WWOX: variants seen among roughly 807,000 people sequenced by gnomAD.
The protein encoded by WWOX is WW domain containing oxidoreductase.
A neutral mutation model predicts 46.2 loss-of-function variants in WWOX; 69 were observed. That is an observed-to-expected ratio of 1.49 (90% CI 1.23 to 1.82). WWOX has a LOEUF of 1.82. WWOX is among the 40% of genes most tolerant of loss of function. WWOX has a pLI of 0.00. For synonymous variants in WWOX, 359 were observed against 202.6 expected, an observed-to-expected ratio of 1.77 and a Z score of -6.56; for missense variants, 919 against 542.6, an observed-to-expected ratio of 1.69 and a Z score of -6.89.
chr16:78,981,182 T>C (rs2046674214), intron 8 of WWOX, among the ~76,000 whole-genome samples: 1 of 152,154 alleles, frequency 6.6e-6, no homozygotes, highest in African/African-American at 2.4e-5. Context: ...CTGCATGTGG[T>C]CTCCATGATG....
intron 4 of WWOX, among the ~76,000 whole-genome samples, chr16:78,152,700 C>G (rs2034459894): frequency 6.6e-6 from 1 of 152,276 alleles, no homozygotes; most frequent in Non-Finnish European, 1.5e-5. Flanking sequence ...ACTTATTCAC[C>G]CAGCACAGTG....
At chr16:78,713,075 G>A (rs2048477981) in intron 8 of WWOX, among the ~76,000 whole-genome samples, 1 of 151,644 alleles carries the variant, frequency 6.6e-6, no homozygotes, top group African/African-American at 2.4e-5. Context: ...ATCGAGACCA[G>A]CCAGGGTAAC....
intron 8 of WWOX, among the ~76,000 whole-genome samples, chr16:78,799,272 A>G (rs1216528472): frequency 2.0e-5 from 3 of 152,174 alleles, no homozygotes; most frequent in South Asian, 4.2e-4. Context: ...CGGAGAGTTC[A>G]TGGGCAGGGT....
At chr16:79,011,167 A>ACT in intron 8 of WWOX, among the ~76,000 whole-genome samples, 1 of 131,562 alleles carries the variant, frequency 7.6e-6, no homozygotes, top group African/African-American at 2.9e-5. Context: ...ACACACACAC[A>ACT]CACACACTTT....
At chr16:78,531,420 A>G (rs2043617978) in intron 8 of WWOX, among the ~76,000 whole-genome samples, 1 of 152,234 alleles carries the variant, frequency 6.6e-6, no homozygotes, top group African/African-American at 2.4e-5. Flanking sequence ...ACAATTGGAC[A>G]GTAAGGATGT....
At chr16:78,709,823 G>T (rs2048401590) in intron 8 of WWOX, among the ~76,000 whole-genome samples, 1 of 151,756 alleles carries the variant, frequency 6.6e-6, no homozygotes, top group Non-Finnish European at 1.5e-5. Flanking sequence ...CCGTCTTCTG[G>T]GTTCAAGTGA....
intron 4 of WWOX, among the ~76,000 whole-genome samples, chr16:78,116,158 T>C (rs1175593614): frequency 6.6e-6 from 1 of 152,230 alleles, no homozygotes; most frequent in Non-Finnish European, 1.5e-5. Flanking sequence ...ACAATTCAGT[T>C]ATACCCTTTT....
At chr16:78,660,449 C>G (rs897442770) in intron 8 of WWOX, among the ~76,000 whole-genome samples, 2 of 152,068 alleles carry the variant, frequency 1.3e-5, no homozygotes, top group Admixed American at 1.3e-4. Context: ...TTTTCAGTTG[C>G]CAGTGGGAGA....
intron 8 of WWOX, among the ~76,000 whole-genome samples, chr16:78,969,522 C>T (rs1176661676): frequency 6.6e-6 from 1 of 152,158 alleles, no homozygotes; most frequent in African/African-American, 2.4e-5. Flanking sequence ...CCAACCGCCT[C>T]AGCCTCCCAA....
chr16:78,106,411 G>GT (rs998219778), intron 1 of WWOX, among the ~76,000 whole-genome samples: 13,221 of 121,484 alleles, frequency 0.11, 1,182 homozygotes, highest in Non-Finnish European at 0.14. Context: ...AGTCAGAACG[G>GT]TTTTTTTTTG....
chr16:78,653,930 C>T (rs757794798), intron 8 of WWOX, among the ~76,000 whole-genome samples: 4 of 152,190 alleles, frequency 2.6e-5, no homozygotes, highest in Non-Finnish European at 5.9e-5. Context: ...TCTGAGCAAA[C>T]GTCTTCACAT....
intron 8 of WWOX, among the ~76,000 whole-genome samples, chr16:78,687,113 T>G (rs59025265): frequency 1.7e-4 from 26 of 152,238 alleles, no homozygotes; most frequent in African/African-American, 6.0e-4. Flanking sequence ...ATGAGAGTAC[T>G]GATGACATAA....
chr16:78,744,366 T>C (rs955385479), intron 8 of WWOX, among the ~76,000 whole-genome samples: 1 of 151,898 alleles, frequency 6.6e-6, no homozygotes, highest in South Asian at 2.1e-4. Context: ...GCATGATCAT[T>C]ATATGCAGAA....
chr16:79,143,594 G>A (rs1285459231), intron 8 of WWOX, among the ~76,000 whole-genome samples: 1 of 152,150 alleles, frequency 6.6e-6, no homozygotes, highest in Non-Finnish European at 1.5e-5. Context: ...TTTTAGGGAT[G>A]ATAAAAATTA....
intron 8 of WWOX, among the ~76,000 whole-genome samples, chr16:78,611,580 T>G (rs1044732702): frequency 2.6e-5 from 4 of 152,154 alleles, no homozygotes; most frequent in African/African-American, 9.7e-5. Context: ...CCAAGAAGCT[T>G]AGTCTCAATT....
intron 5 of WWOX, among the ~76,000 whole-genome samples, chr16:78,335,004 A>G (rs920644416): frequency 3.3e-5 from 5 of 152,146 alleles, no homozygotes; most frequent in East Asian, 1.9e-4. Context: ...AGGTTCCCCA[A>G]GTAGCCCCTG....
chr16:78,364,729 G>T (rs2081494695), intron 5 of WWOX, among the ~76,000 whole-genome samples: 1 of 152,190 alleles, frequency 6.6e-6, no homozygotes, highest in African/African-American at 2.4e-5. Context: ...GCCAGCATCT[G>T]TTAGTGTTTG....
intron 5 of WWOX, chr16:78,278,564 CTT>C (rs1313967184): frequency 6.3e-7 from 1 of 1,583,320 alleles, no homozygotes; most frequent in Non-Finnish European, 8.6e-7. Flanking sequence ...GTTCTCATAA[CTT>C]AATTTTACAC....
At chr16:78,546,339 G>A (rs1216044209) in intron 8 of WWOX, among the ~76,000 whole-genome samples, 1 of 152,118 alleles carries the variant, frequency 6.6e-6, no homozygotes, top group African/African-American at 2.4e-5. Context: ...AAACAGTAGT[G>A]TGATCAGAAC....
Sources: allele counts gnomAD v4.1 joint callset (sites outside exome capture counted in the v4.1 genomes callset), GRCh38; gene constraint gnomAD v4.1.1; transcripts MANE v1.5; gene names NCBI Gene and HGNC (gene_info 2026-07-23, HGNC 2026-07-21).